The following CYBB variants were observed in gnomAD, a reference collection of about 807,000 sequenced individuals.
CYBB encodes cytochrome b-245 beta chain.
CYBB carries 5 observed loss-of-function variants against 46.5 expected under a neutral mutation model. The ratio of observed to expected loss-of-function variants is 0.11; its 90% confidence interval spans 0.06 to 0.23. The LOEUF (loss-of-function observed/expected upper bound fraction) is 0.23. CYBB is among the 10% of genes least tolerant of loss of function. The pLI is 1.00. For synonymous variants in CYBB, 183 were observed against 156.7 expected (o/e 1.17, Z -1.26); for missense variants, 307 against 428.3 (o/e 0.72, Z 2.50).
chrX:37,796,738 C>T (rs1929316641), intron 6 of CYBB, among the ~76,000 whole-genome samples: 1 of 111,552 alleles, frequency 9.0e-6, no homozygotes. Context: ...TTTCTTTTAA[C>T]CCCCAAAATG....
intron 3 of CYBB, among the ~76,000 whole-genome samples, chrX:37,787,823 C>T (rs939455238): frequency 9.0e-6 from 1 of 111,260 alleles, no homozygotes; most frequent in African/African-American, 3.3e-5. Context: ...TTCTTAAAAG[C>T]CCAGTATCAG....
Position 37,805,105 on chromosome X carries a change from A to T in CYBB, c.1251A>T (p.Ala417=). The T allele has an allele frequency of 8.3e-7, 1 of 1,211,283 alleles. No homozygotes were observed. The highest frequency in any genetic ancestry group is 1.1e-6 in the Non-Finnish European group (1 of 895,067). The change falls in exon 10 of 13, where the codon GCA becomes GCT. Residue 417 remains alanine, a synonymous_variant. Coordinates refer to ENST00000378588, the MANE Select transcript of CYBB (RefSeq NM_000397.4). ...CAGGGATTGGGGTCACACCCTTCGC[A>T]TCCATTCTCAAGTCAGTCTGGTACA... is the stretch of plus-strand genomic sequence containing the variant. ...VGAGIGVTPF[A]SILKSVWYKY... is the part of the protein sequence containing the mutation.
intron 9 of CYBB, 98 bp downstream of exon 9, chrX:37,804,228 C>A: frequency 1.1e-6 from 1 of 883,054 alleles, no homozygotes; most frequent in Non-Finnish European, 1.7e-6. Flanking sequence ...TCCAACAAAA[C>A]ACACAGGTTC....
At chrX:37,795,845 A>G (rs782076946) in intron 5 of CYBB, 106 bp from the exon 6 acceptor site, 2 of 592,687 alleles carry the variant, frequency 3.4e-6, no homozygotes, top group Non-Finnish European at 5.6e-6. Flanking sequence ...TGGACACTTT[A>G]TAATAGTCCT....
At chrX:37,806,057 C>T (rs373782585) in intron 10 of CYBB, among the ~76,000 whole-genome samples, 1 of 111,946 alleles carries the variant, frequency 8.9e-6, no homozygotes, top group African/African-American at 3.3e-5. Context: ...AGTCTAGATT[C>T]CATCAGGCTT....
intron 12 of CYBB, 127 bp downstream of exon 12, chrX:37,809,818 A>G: frequency 1.5e-6 from 1 of 682,850 alleles, no homozygotes; most frequent in South Asian, 2.7e-5. Context: ...GATTGAATTC[A>G]TGCCCAACAG....
At position 37,806,405 on chromosome X, in the gene CYBB, T is replaced by C. The variant is rs782424820; in HGVS notation, c.1333T>C (p.Cys445Arg). ...TTTTCAGATCTACTTCTACTGGCTG[T>C]GCCGGGACACACATGCCTTTGAGTG... ...KLKKIYFYWL[C>R]RDTHAFEWFA... The change falls in exon 11 of 13, where the codon TGC becomes CGC. Residue 445 changes from cysteine (C) to arginine (R), a missense_variant. Physicochemically the swap from Cys to Arg is radical, Grantham distance 180 (BLOSUM62 -3). Transcript: ENST00000378588. 1 of 1,211,113 alleles carries C rather than the reference T, an allele frequency of 8.3e-7. No individual in the cohort carries two copies. The highest frequency in any genetic ancestry group is 1.1e-6 in the Non-Finnish European group (1 of 895,030).
At chrX:37,799,794 G>A (rs1163386324) in intron 7 of CYBB, among the ~76,000 whole-genome samples, 1 of 111,618 alleles carries the variant, frequency 9.0e-6, no homozygotes, top group Non-Finnish European at 1.9e-5. Flanking sequence ...TTCCCCATTG[G>A]CAGATGGTAT....
At chrX:37,791,429 T>A (rs963138797) in intron 3 of CYBB, among the ~76,000 whole-genome samples, 5 of 112,010 alleles carry the variant, frequency 4.5e-5, no homozygotes, top group Non-Finnish European at 1.9e-5. Flanking sequence ...TTATTTTGGC[T>A]ATTAGCATTT....
intron 10 of CYBB, among the ~76,000 whole-genome samples, chrX:37,805,755 C>T (rs1375919697): frequency 9.1e-6 from 1 of 110,465 alleles, no homozygotes; most frequent in Non-Finnish European, 1.9e-5. Context: ...GGAGAGGAGA[C>T]CTGAAACTCT....
intron 3 of CYBB, among the ~76,000 whole-genome samples, chrX:37,787,589 A>G (rs782814196): frequency 1.8e-5 from 2 of 111,939 alleles, no homozygotes; most frequent in Non-Finnish European, 3.8e-5. Context: ...TCAATGGCAG[A>G]AAGTAAAGTA....
At position 37,796,045 on chromosome X, in the gene CYBB, C is replaced by T. The variant is rs151344493; in HGVS notation, c.578C>T (p.Ser193Phe). Residue 193 changes from serine (S) to phenylalanine (F), a missense_variant, in exon 6 of 13, where the codon TCC becomes TTC. Ser to Phe is a radical substitution (Grantham distance 155, BLOSUM62 -2). This residue lies in a region of CYBB where 103 missense variants were observed against 150.2 expected (regional missense o/e 0.69). Coordinates refer to ENST00000378588, the MANE Select transcript of CYBB (RefSeq NM_000397.4). ...TGCCTCATATTAATTATCACTTCCT[C>T]CACCAAAACCATCCGGAGGTCTTAC... ...TLCLILIITS[S>F]TKTIRRSYFE... is the part of the protein sequence containing the mutation. 1 of 1,207,687 alleles carries T rather than the reference C, an allele frequency of 8.3e-7. No individual in the cohort carries two copies. Among genetic ancestry groups the T allele is most frequent in the Non-Finnish European group, 1.1e-6 (1 of 891,910 alleles).
chrX:37,781,999 G>T, intron 1 of CYBB, 89 bp from the exon 2 acceptor site: 1 of 744,666 alleles, frequency 1.3e-6, no homozygotes, highest in Non-Finnish European at 2.1e-6. Flanking sequence ...TTGGACTTGG[G>T]GAAGTCCTGA....
chrX:37,809,425 A>C (rs1308978190), intron 11 of CYBB, 142 bp from the exon 12 acceptor site: 4 of 651,722 alleles, frequency 6.1e-6, no homozygotes, highest in Non-Finnish European at 7.2e-6. Context: ...TGCTTGAGAG[A>C]GATCCAGTTT....
chrX:37,788,078 C>T (rs1362385709), intron 3 of CYBB, among the ~76,000 whole-genome samples: 2 of 112,038 alleles, frequency 1.8e-5, no homozygotes, highest in African/African-American at 6.5e-5. Flanking sequence ...CCAATCACAT[C>T]TCTCCACTGT....
In CYBB at chrX:37,783,571, C is replaced by A. The variant is rs141798777; in HGVS notation, c.223C>A (p.Leu75Met). Residue 75 changes from leucine to methionine, a missense_variant, in exon 3 of 13, where the codon CTG becomes ATG. Physicochemically the swap from Leu to Met is conservative, Grantham distance 15. Around this residue, in one of 3 missense-constraint regions of CYBB, gnomAD observed 103 missense variants for 150.2 expected, o/e 0.69. Coordinates refer to ENST00000378588, the MANE Select transcript of CYBB (RefSeq NM_000397.4). ...MLILLPVCRN[L>M]LSFLRGSSAC... Reference sequence around the variant, plus strand: ...GATTCTCTTGCCAGTCTGTCGAAATCTGCTGTCCTTCCTCAGGGGTTCCAG... The same window carrying A: ...GATTCTCTTGCCAGTCTGTCGAAATATGCTGTCCTTCCTCAGGGGTTCCAG... 8.3e-7 allele frequency: 1 copy of A among 1,202,468 alleles called. No individual in the cohort carries two copies. Among genetic ancestry groups the A allele is most frequent in the African/African-American group, 1.7e-5 (1 of 57,147 alleles).
At chrX:37,810,061 C>A (rs1384605944) in intron 12 of CYBB, among the ~76,000 whole-genome samples, 1 of 111,826 alleles carries the variant, frequency 8.9e-6, no homozygotes, top group Non-Finnish European at 1.9e-5. Context: ...ACACTGTCCC[C>A]ACTTTCAGTT....
At chrX:37,781,141 A>C (rs1483529176) in intron 1 of CYBB, among the ~76,000 whole-genome samples, 2 of 112,725 alleles carry the variant, frequency 1.8e-5, no homozygotes, top group African/African-American at 6.5e-5. Context: ...CGAGTATTCG[A>C]AGCTGTAAAC....
intron 3 of CYBB, among the ~76,000 whole-genome samples, chrX:37,788,120 C>T (rs1261397780): frequency 8.9e-6 from 1 of 112,045 alleles, no homozygotes; most frequent in Non-Finnish European, 1.9e-5. Context: ...CTCTAAGGAT[C>T]TACAGTTAAA....
Sources: gnomAD v4.1 joint callset for allele counts (sites outside exome capture counted in the v4.1 genomes callset) on GRCh38, gnomAD v4.1.1 for gene constraint, gnomAD v4.1.1 regional missense constraint, MANE v1.5 for transcripts, NCBI Gene and HGNC (gene_info 2026-07-23, HGNC 2026-07-21) for gene names.